The following GON4L variants were observed in gnomAD, a reference collection of about 807,000 sequenced individuals.
GON4L encodes gon-4 like, also known as GON-4-like protein.
Under a neutral mutation model 211.8 loss-of-function variants are expected in GON4L, and 87 were observed. The ratio of observed to expected loss-of-function variants is 0.41; its 90% CI spans 0.35 to 0.49. GON4L has a LOEUF of 0.49. Ranked by LOEUF, GON4L falls within the 20% of genes least tolerant of loss-of-function variation. GON4L has a pLI of 0.15. For synonymous variants in GON4L, 875 were observed against 962.6 expected (o/e 0.91, Z 1.68); for missense variants, 2,155 against 2,659.5 (o/e 0.81, Z 4.17).
chr1:155,811,347 G>A lies in GON4L; in HGVS notation c.1452+2287C>T, dbSNP rs182854907. 4.9e-3 allele frequency among the ~76,000 whole-genome samples: 544 copies of A among 111,778 alleles called. 5 individuals are homozygous for A. The highest frequency in any genetic ancestry group is 0.018 in the African/African-American group (508 of 28,936). The allele number at this position is 111,778 out of a possible 152,430, so 73.3% of individuals were successfully genotyped here. A position where few individuals can be genotyped will look rare whatever the true frequency, so the allele number is the denominator to read the frequency against. On this transcript the variant is annotated intron_variant, in intron 10 of 31. Transcript: ENST00000368331. ...GCGGAGCTTGCAGTGAGCCGAGATCGCACCACTGCACTCCAGCCTAGAGGA... is the reference window on the plus strand; with the variant it reads ...GCGGAGCTTGCAGTGAGCCGAGATCACACCACTGCACTCCAGCCTAGAGGA...
chr1:155,755,420 T>TG (rs1384049911), intron 27 of GON4L, among the ~76,000 whole-genome samples: 1 of 151,962 alleles, frequency 6.6e-6, no homozygotes, highest in East Asian at 1.9e-4. Context: ...AATGTTACTC[T>TG]GGCTGGTCTT....
Position 155,760,321 on chromosome 1 carries a change from C to A in GON4L, c.5109+123G>T. ...AGACAGAGGCTTTTATCACTCTGGG[C>A]TAGGGGATGGCTGTGTGTCTGGAAG... On this transcript the variant is annotated intron_variant, in intron 24 of 31. Transcript: ENST00000368331. 1.8e-5 allele frequency: 11 copies of A among 619,162 alleles called. No homozygotes were observed. The South Asian group carries it at 2.4e-4, about 14-fold the overall frequency. 38.4% of individuals were successfully genotyped at this position (619,162 alleles called of 1,614,324 possible).
chr1:155,780,174 A>T (rs1263949712), intron 14 of GON4L, among the ~76,000 whole-genome samples: 1 of 152,176 alleles, frequency 6.6e-6, no homozygotes, highest in East Asian at 1.9e-4. Context: ...CCAACCACTC[A>T]GTTCTGTTCA....
chr1:155,759,274 T>C (rs888230166), intron 24 of GON4L, among the ~76,000 whole-genome samples: 4 of 152,092 alleles, frequency 2.6e-5, no homozygotes, highest in Admixed American at 6.5e-5. Flanking sequence ...ACATTATCTC[T>C]TTAAAAAAAT....
chr1:155,782,343 T>A (rs1175628995), intron 14 of GON4L, among the ~76,000 whole-genome samples: 2 of 152,238 alleles, frequency 1.3e-5, no homozygotes, highest in African/African-American at 4.8e-5. Flanking sequence ...GATGGCTCCA[T>A]AAGATTACTG....
intron 15 of GON4L, 44 bp downstream of exon 15, chr1:155,777,578 C>CA (rs762963595): frequency 0.019 from 21,005 of 1,089,586 alleles, no homozygotes; most frequent in Non-Finnish European, 0.023. Context: ...GACTCTGTCT[C>CA]AAAAAAAAAA....
At chr1:155,831,111 T>A (rs1054432928) in intron 2 of GON4L, among the ~76,000 whole-genome samples, 4 of 151,958 alleles carry the variant, frequency 2.6e-5, no homozygotes, top group African/African-American at 9.7e-5. Context: ...CCAGCCTGGT[T>A]AATGTGGTGA....
chr1:155,778,816 G>T (rs1664097917), intron 14 of GON4L, among the ~76,000 whole-genome samples: 4 of 151,974 alleles, frequency 2.6e-5, no homozygotes, highest in Admixed American at 2.6e-4. Context: ...TTGTTTTTCT[G>T]TTCTTACGTT....
At chr1:155,854,718 C>T (rs917639444) in intron 1 of GON4L, among the ~76,000 whole-genome samples, 4 of 152,050 alleles carry the variant, frequency 2.6e-5, no homozygotes, top group African/African-American at 9.7e-5. Flanking sequence ...AAATCAAAAG[C>T]AAAGTGTGAT....
intron 12 of GON4L, 116 bp from the exon 13 acceptor site, chr1:155,785,490 A>G: frequency 2.5e-6 from 2 of 798,054 alleles, no homozygotes; most frequent in Non-Finnish European, 2.2e-6. Context: ...CTTCATATCT[A>G]TCCTTCTTTT....
At chr1:155,748,893 T>A, downstream of GON4L, 1 of 1,037,788 alleles carries the variant, frequency 9.6e-7, no homozygotes, top group Non-Finnish European at 1.4e-6. Context: ...CCCCACCCCT[T>A]AAAAAGGATA....
chr1:155,771,154 C>T lies in GON4L; in HGVS notation c.2559G>A (p.Lys853=). 2 of 1,614,134 alleles carry T rather than the reference C, an allele frequency of 1.2e-6. No homozygotes were observed. The highest frequency in any genetic ancestry group is 8.5e-7 in the Non-Finnish European group (1 of 1,180,020). The change falls in exon 19 of 32, where the codon AAG becomes AAA. Residue 853 remains lysine (K), a synonymous_variant. Transcript: ENST00000368331. ...GTEFPNPLIS[K]YLLTCKTAHQ... ...GGGCAGTTTTGCAGGTTAGAAGGTA[C>T]TTGCTGATTAGAGGATTAGGAAACT...
intron 10 of GON4L, among the ~76,000 whole-genome samples, chr1:155,810,001 T>TAA (rs1473302853): frequency 7.5e-5 from 10 of 132,520 alleles, no homozygotes; most frequent in Non-Finnish European, 1.1e-4. Context: ...ATTATATATA[T>TAA]ATATATATTT....
chr1:155,793,501 C>G (rs1665796805), intron 12 of GON4L, among the ~76,000 whole-genome samples: 1 of 152,170 alleles, frequency 6.6e-6, no homozygotes, highest in African/African-American at 2.4e-5. Flanking sequence ...TGCATACATG[C>G]AATAAAAATC....
intron 15 of GON4L, among the ~76,000 whole-genome samples, chr1:155,776,772 C>T (rs1410540610): frequency 6.6e-6 from 1 of 152,018 alleles, no homozygotes; most frequent in Non-Finnish European, 1.5e-5. Flanking sequence ...AGGTTGCTCT[C>T]GAACTCCCTG....
In GON4L at chr1:155,843,550, T is replaced by C. The variant is rs149738629; in HGVS notation, c.505+9726A>G. On this transcript the variant is annotated intron_variant, in intron 2 of 31. Transcript: ENST00000368331. ...CAGCTCCAGTGTACTAATGATACTA[T>C]CTTTTGCACAAATTGTTGTGACAAT... 2.6e-5 allele frequency among the ~76,000 whole-genome samples: 4 copies of C among 152,280 alleles called. No homozygotes were observed. In the East Asian group the frequency reaches 5.8e-4, roughly 22 times the overall value.
At chr1:155,777,844 G>A (rs781123243) in intron 14 of GON4L, 24 bp from the exon 15 acceptor site, 4 of 1,444,584 alleles carry the variant, frequency 2.8e-6, no homozygotes, top group Non-Finnish European at 3.9e-6. Context: ...GGAGATGACT[G>A]AATTTGAGTG....
At chr1:155,788,638 A>T (rs887559175) in intron 12 of GON4L, among the ~76,000 whole-genome samples, 1 of 152,222 alleles carries the variant, frequency 6.6e-6, no homozygotes, top group Non-Finnish European at 1.5e-5. Flanking sequence ...ATACACAACG[A>T]AATTCTACTC....
chr1:155,797,917 A>G (rs860295), intron 11 of GON4L, among the ~76,000 whole-genome samples: 79,683 of 149,624 alleles, frequency 0.53, 23,386 homozygotes, highest in Middle Eastern at 0.69. Flanking sequence ...ATCTCTACAA[A>G]TGACTTTTTA....
Sources: allele counts gnomAD v4.1 joint callset (sites outside exome capture counted in the v4.1 genomes callset), GRCh38; gene constraint gnomAD v4.1.1; transcripts MANE v1.5; gene names NCBI Gene and HGNC (gene_info 2026-07-23, HGNC 2026-07-21).